The following ADAM32 variants were observed in gnomAD, a reference collection of about 807,000 sequenced individuals.
ADAM32 encodes the protein disintegrin and metalloproteinase domain-containing protein 32.
Under a neutral mutation model 114.9 loss-of-function variants are expected in ADAM32, and 89 were observed. The ratio of observed to expected loss-of-function variants is 0.77; its 90% CI spans 0.65 to 0.92. The LOEUF is 0.92. Among genes scored for constraint, ADAM32 ranks in the 40% least tolerant of loss-of-function variants. The probability of loss-of-function intolerance (pLI) is 0.00; values close to 1 mark genes in which losing one functional copy is unlikely to be tolerated. For synonymous variants in ADAM32, 285 were observed against 307.5 expected, an observed-to-expected ratio of 0.93 and a Z score of 0.77; for missense variants, 870 against 932.8, an observed-to-expected ratio of 0.93 and a Z score of 0.88.
intron 12 of ADAM32, among the ~76,000 whole-genome samples, chr8:39,216,204 T>C (rs1808557649): frequency 6.6e-6 from 1 of 152,098 alleles, no homozygotes; most frequent in Admixed American, 6.5e-5. Context: ...TTGTCGGATA[T>C]GAGTCTAGCT....
At chr8:39,238,745 T>G (rs1810364909) in intron 16 of ADAM32, among the ~76,000 whole-genome samples, 1 of 151,988 alleles carries the variant, frequency 6.6e-6, no homozygotes, top group African/African-American at 2.4e-5. Flanking sequence ...AATCATAACT[T>G]ATGGAAATAA....
At chr8:39,254,352 A>T in intron 17 of ADAM32, 62 bp from the exon 18 acceptor site, 1 of 1,341,312 alleles carries the variant, frequency 7.5e-7, no homozygotes, top group Non-Finnish European at 1.0e-6. Flanking sequence ...AGTAAGCTTG[A>T]TGCTCACCTT....
chr8:39,195,721 G>A (rs1806939655), intron 11 of ADAM32, among the ~76,000 whole-genome samples: 2 of 152,050 alleles, frequency 1.3e-5, no homozygotes, highest in South Asian at 4.1e-4. Context: ...AAATAGATGG[G>A]TTTATTTCTT....
intron 22 of ADAM32, among the ~76,000 whole-genome samples, chr8:39,278,990 T>C (rs1813261399): frequency 6.6e-6 from 1 of 152,210 alleles, no homozygotes; most frequent in Admixed American, 6.5e-5. Context: ...TAGTTGTCAG[T>C]ATCATTATTT....
At chr8:39,158,857 C>T (rs1804320750) in intron 6 of ADAM32, among the ~76,000 whole-genome samples, 1 of 152,112 alleles carries the variant, frequency 6.6e-6, no homozygotes, top group Non-Finnish European at 1.5e-5. Context: ...TTTAGCTCCA[C>T]AATTTCCTTT....
At chr8:39,241,207 T>G (rs970868901) in intron 16 of ADAM32, among the ~76,000 whole-genome samples, 3 of 152,208 alleles carry the variant, frequency 2.0e-5, no homozygotes, top group African/African-American at 7.2e-5. Context: ...CCCACAGCCT[T>G]GAGCAGCTCT....
At chr8:39,240,910 C>A (rs4449752) in intron 16 of ADAM32, among the ~76,000 whole-genome samples, 21,513 of 152,170 alleles carry the variant, frequency 0.14, 1,687 homozygotes, top group Middle Eastern at 0.26. Context: ...AGTCTTAACT[C>A]ATTTCAACAT....
At position 39,118,902 on chromosome 8, in the gene ADAM32, G is replaced by A. The variant is rs543298532; in HGVS notation, c.138+737G>A. 2.0e-5 allele frequency among the ~76,000 whole-genome samples: 3 copies of A among 152,216 alleles called. No individual in the cohort carries two copies. In the South Asian group the frequency reaches 6.2e-4, roughly 32 times the overall value. ...TATCAATCCTAAAAAGATCCCTTATGCACATTTGTAGTTCTTCTCCAGCCC... is the reference window on the plus strand; with the variant it reads ...TATCAATCCTAAAAAGATCCCTTATACACATTTGTAGTTCTTCTCCAGCCC... On this transcript the variant is annotated intron_variant, in intron 2 of 24. Transcript: ENST00000379907.
At chr8:39,212,001 AT>A (rs1041497509) in intron 12 of ADAM32, among the ~76,000 whole-genome samples, 3 of 151,828 alleles carry the variant, frequency 2.0e-5, no homozygotes, top group Non-Finnish European at 4.4e-5. Context: ...ATCTTTCTTT[AT>A]TTTTTATTTT....
chr8:39,256,435 T>A (rs550295935), intron 18 of ADAM32, among the ~76,000 whole-genome samples: 1 of 152,024 alleles, frequency 6.6e-6, no homozygotes, highest in East Asian at 1.9e-4. Context: ...ATCAGAAAAA[T>A]CCATCAATTT....
intron 2 of ADAM32, among the ~76,000 whole-genome samples, chr8:39,126,507 G>C (rs764274188): frequency 1.3e-5 from 2 of 152,140 alleles, no homozygotes; most frequent in South Asian, 4.1e-4. Context: ...GAATGCTAGT[G>C]ATTTTTGCAC....
At chr8:39,262,406 G>A (rs565194778) in intron 19 of ADAM32, among the ~76,000 whole-genome samples, 2 of 152,282 alleles carry the variant, frequency 1.3e-5, no homozygotes, top group African/African-American at 4.8e-5. Flanking sequence ...ATTAGTGTAA[G>A]TGTCTGTTTT....
chr8:39,214,231 G>C (rs1808416573), intron 12 of ADAM32, among the ~76,000 whole-genome samples: 1 of 152,034 alleles, frequency 6.6e-6, no homozygotes, highest in Non-Finnish European at 1.5e-5. Flanking sequence ...TCATATGGTA[G>C]CTCTATTTTT....
intron 1 of ADAM32, among the ~76,000 whole-genome samples, chr8:39,117,471 A>T (rs1033268555): frequency 4.2e-4 from 64 of 151,804 alleles, no homozygotes; most frequent in Non-Finnish European, 4.3e-4. Context: ...TTTGCTTGTA[A>T]ATATCTATCT....
At chr8:39,212,685 A>T (rs1317763783) in intron 12 of ADAM32, among the ~76,000 whole-genome samples, 1 of 152,112 alleles carries the variant, frequency 6.6e-6, no homozygotes, top group Non-Finnish European at 1.5e-5. Context: ...AATTGTGTGG[A>T]TATATCACAA....
At position 39,221,691 on chromosome 8, in the gene ADAM32, A is replaced by G. The variant is rs1305568172; in HGVS notation, c.1315A>G (p.Lys439Glu). The G allele has an allele frequency of 1.9e-6, 3 of 1,609,802 alleles. No individual in the cohort carries two copies. The highest frequency in any genetic ancestry group is 2.2e-5 in the East Asian group (1 of 44,726). ...AAAATGTTATAAAGGACTGTGCTGC[A>G]AAGACTGTCAAGTAAGATTTAAGCT... is the stretch of plus-strand genomic sequence containing the variant. ...GAKCYKGLCCKDCQILQSGVE... is the reference protein window; with the variant it reads ...GAKCYKGLCCEDCQILQSGVE... The change falls in exon 13 of 25, where the codon AAA becomes GAA. Residue 439 changes from lysine (K) to glutamate (E), a missense_variant. By Grantham distance (56) the Lys-to-Glu change is moderately conservative. Coordinates refer to ENST00000379907, the MANE Select transcript of ADAM32 (RefSeq NM_145004.7).
intron 9 of ADAM32, chr8:39,166,810 T>A (rs1405914122): frequency 6.6e-6 from 1 of 152,210 alleles, no homozygotes; most frequent in African/African-American, 2.4e-5. Context: ...TTTTTTCATA[T>A]GTTTGTTGGC....
intron 21 of ADAM32, among the ~76,000 whole-genome samples, chr8:39,275,507 A>G (rs1813018466): frequency 6.6e-6 from 1 of 152,136 alleles, no homozygotes; most frequent in African/African-American, 2.4e-5. Context: ...CAACGGATAG[A>G]CTCTGAAGGC....
chr8:39,277,026 A>G (rs1217099773), intron 22 of ADAM32, among the ~76,000 whole-genome samples: 2 of 149,946 alleles, frequency 1.3e-5, no homozygotes, highest in South Asian at 2.1e-4. Context: ...ACCAACAAAA[A>G]CAGAAACACA....
Sources: gnomAD v4.1 joint callset for allele counts (sites outside exome capture counted in the v4.1 genomes callset) on GRCh38, gnomAD v4.1.1 for gene constraint, MANE v1.5 for transcripts, NCBI Gene and HGNC (gene_info 2026-07-23, HGNC 2026-07-21) for gene names.